ALKAL1: variants seen among roughly 807,000 people sequenced by gnomAD.
The protein encoded by ALKAL1 is AUG-beta.
ALKAL1 carries 23 observed loss-of-function variants against 13.5 expected under a neutral mutation model. The ratio of observed to expected loss-of-function variants is 1.70; its 90% CI spans 1.23 to 2.41. The LOEUF (loss-of-function observed/expected upper bound fraction) is 2.41. Ranked by LOEUF, ALKAL1 falls within the 30% of genes most tolerant of loss-of-function variation. ALKAL1 has a pLI of 0.00. For missense variants in ALKAL1, 181 were observed against 178.4 expected (o/e 1.01, Z -0.08); for synonymous variants, 85 against 77.7 (o/e 1.09, Z -0.49).
At chr8:52,556,257 C>G (rs890173378) in intron 1 of ALKAL1, among the ~76,000 whole-genome samples, 4 of 151,932 alleles carry the variant, frequency 2.6e-5, no homozygotes, top group African/African-American at 9.7e-5. Flanking sequence ...AAAAATTTTA[C>G]CAAAGTAATG....
intron 1 of ALKAL1, among the ~76,000 whole-genome samples, chr8:52,545,584 A>T (rs754479062): frequency 4.5e-4 from 66 of 145,734 alleles, no homozygotes; most frequent in Non-Finnish European, 8.5e-4. Context: ...TACCTTACTG[A>T]ACCCAACCAA....
chr8:52,549,744 C>A (rs1261098605), intron 1 of ALKAL1, among the ~76,000 whole-genome samples: 1 of 152,024 alleles, frequency 6.6e-6, no homozygotes, highest in Non-Finnish European at 1.5e-5. Context: ...GAGTTCGAGA[C>A]CAGCCTGGCC....
At chr8:52,553,165 T>A (rs1353711728) in intron 1 of ALKAL1, among the ~76,000 whole-genome samples, 1 of 152,084 alleles carries the variant, frequency 6.6e-6, no homozygotes, top group Non-Finnish European at 1.5e-5. Flanking sequence ...CTGCACAACA[T>A]AGCGAGACTC....
At chr8:52,538,343 T>G (rs1847281666) in intron 4 of ALKAL1, 88 bp downstream of exon 4, 1 of 744,252 alleles carries the variant, frequency 1.3e-6, no homozygotes, top group Admixed American at 2.5e-5. Context: ...TGTACAATCA[T>G]TATGTGTCAA....
chr8:52,550,710 A>G (rs34319115), intron 1 of ALKAL1, among the ~76,000 whole-genome samples: 30,482 of 152,118 alleles, frequency 0.2, 3,906 homozygotes, highest in East Asian at 0.64. Context: ...GGTGGCTGCC[A>G]GCAATCCTTG....
chr8:52,551,130 A>G (rs1253616598), intron 1 of ALKAL1, among the ~76,000 whole-genome samples: 1 of 152,218 alleles, frequency 6.6e-6, no homozygotes, highest in Non-Finnish European at 1.5e-5. Context: ...CAAAATTTCA[A>G]TGGGGCATAA....
intron 1 of ALKAL1, among the ~76,000 whole-genome samples, chr8:52,545,292 G>A (rs1847358429): frequency 6.6e-6 from 1 of 152,078 alleles, no homozygotes; most frequent in Admixed American, 6.5e-5. Flanking sequence ...ATTCTTTGTG[G>A]ATGGAGGACA....
intron 1 of ALKAL1, 38 bp downstream of exon 1, chr8:52,565,029 C>A (rs1847585338): frequency 3.0e-6 from 4 of 1,329,548 alleles, no homozygotes; most frequent in Non-Finnish European, 2.9e-6. Context: ...GAGCCCCAGG[C>A]GCAGGGCAAA....
At chr8:52,536,715 A>G in intron 4 of ALKAL1, among the ~76,000 whole-genome samples, 1 of 152,182 alleles carries the variant, frequency 6.6e-6, no homozygotes, top group East Asian at 1.9e-4. Context: ...TTGGACAGTT[A>G]AAAAATAGAA....
At chr8:52,560,076 T>C (rs945066877) in intron 1 of ALKAL1, among the ~76,000 whole-genome samples, 1 of 151,968 alleles carries the variant, frequency 6.6e-6, no homozygotes, top group Non-Finnish European at 1.5e-5. Context: ...TAGAATAATA[T>C]AATATCAAAC....
intron 1 of ALKAL1, among the ~76,000 whole-genome samples, chr8:52,544,093 G>A (rs1054637811): frequency 2.6e-5 from 4 of 151,902 alleles, no homozygotes; most frequent in Admixed American, 1.3e-4. Flanking sequence ...AAAGGGATGC[G>A]GTCTTGTCCC....
intron 4 of ALKAL1, among the ~76,000 whole-genome samples, chr8:52,535,773 C>T (rs1847260896): frequency 6.6e-6 from 1 of 152,094 alleles, no homozygotes; most frequent in African/African-American, 2.4e-5. Flanking sequence ...TAAAATAAGA[C>T]TAAGTATAGC....
At chr8:52,537,001 C>A (rs1455794557) in intron 4 of ALKAL1, among the ~76,000 whole-genome samples, 5 of 152,242 alleles carry the variant, frequency 3.3e-5, no homozygotes, top group Non-Finnish European at 7.4e-5. Context: ...ATTATTCAAA[C>A]ATTTTCTTAA....
chr8:52,535,430 A>C (rs2150342788), intron 4 of ALKAL1, among the ~76,000 whole-genome samples: 1 of 151,114 alleles, frequency 6.6e-6, no homozygotes, highest in Admixed American at 6.6e-5. Flanking sequence ...ATGAGCCCAT[A>C]GTCTCAGCTA....
chr8:52,552,422 C>T lies in ALKAL1; in HGVS notation c.191-9977G>A, dbSNP rs537728142. Among the ~76,000 whole-genome samples the T allele has an allele frequency of 8.4e-4, 128 of 152,296 alleles. 1 individual carries two copies. The highest frequency in any genetic ancestry group is 6.8e-3 in the Middle Eastern group (2 of 294). On this transcript the variant is annotated intron_variant, in intron 1 of 4. Coordinates refer to ENST00000358543, the MANE Select transcript of ALKAL1 (RefSeq NM_207413.4). ...CTTCCCCACCCCAGTCCCCCAGCCC[C>T]GTACTGTACTTCTCAGAAGGAGGTC...
At chr8:52,558,400 A>G (rs566061426) in intron 1 of ALKAL1, among the ~76,000 whole-genome samples, 1 of 151,796 alleles carries the variant, frequency 6.6e-6, no homozygotes, top group Admixed American at 6.6e-5. Flanking sequence ...ACTCTTCAAC[A>G]ACAGCATTTA....
rs571064596 is a variant in ALKAL1 at position 52,560,144 on chromosome 8, A to G, written c.190+4923T>C. 6.6e-5 allele frequency among the ~76,000 whole-genome samples: 10 copies of G among 152,276 alleles called. No individual in the cohort carries two copies. In the South Asian group the frequency reaches 1.9e-3, roughly 28 times the overall value. On this transcript the variant is annotated intron_variant, in intron 1 of 4. Transcript: ENST00000358543. ...GAAGAAAAAAACGCTATCTGTGTTC[A>G]ACAGAGAAAGAAATCATCAATGAAC...
chr8:52,537,233 A>C (rs1353594996), intron 4 of ALKAL1, among the ~76,000 whole-genome samples: 1 of 152,248 alleles, frequency 6.6e-6, no homozygotes, highest in Non-Finnish European at 1.5e-5. Flanking sequence ...GCTAAACATC[A>C]CTAATCATCA....
intron 1 of ALKAL1, among the ~76,000 whole-genome samples, chr8:52,548,128 C>T (rs1332340180): frequency 6.6e-6 from 1 of 152,034 alleles, no homozygotes; most frequent in Non-Finnish European, 1.5e-5. Context: ...GCCGGTGGAT[C>T]GCCTGAGGTC....
Sources: allele counts gnomAD v4.1 joint callset (sites outside exome capture counted in the v4.1 genomes callset), GRCh38; gene constraint gnomAD v4.1.1; transcripts MANE v1.5; gene names NCBI Gene and HGNC (gene_info 2026-07-23, HGNC 2026-07-21).